Variants in HEMK2 observed in about 807,000 individuals in gnomAD.
The protein encoded by HEMK2 is methyltransferase HEMK2.
At chr21:28,852,858 A>G in the HEMK2 span, among the ~76,000 whole-genome samples, 3 of 152,216 alleles carry the variant, frequency 2.0e-5, no homozygotes, top group East Asian at 5.8e-4. Flanking sequence ...CCAATGTCAG[A>G]GCTCAACATA....
At chr21:28,759,238 A>T in the HEMK2 span, among the ~76,000 whole-genome samples, 10 of 152,196 alleles carry the variant, frequency 6.6e-5, no homozygotes, top group African/African-American at 2.4e-4. Context: ...CACCTCTTGC[A>T]TCAGTGTGAC....
At chr21:28,818,219 T>A in the HEMK2 span, among the ~76,000 whole-genome samples, 3 of 152,160 alleles carry the variant, frequency 2.0e-5, no homozygotes, top group Non-Finnish European at 4.4e-5. Context: ...CTGGTCTCCA[T>A]CTTTCTCCCG....
At chr21:28,790,131 A>C in the HEMK2 span, among the ~76,000 whole-genome samples, 2 of 152,342 alleles carry the variant, frequency 1.3e-5, no homozygotes, top group African/African-American at 4.8e-5. Context: ...ACAGAAATGA[A>C]ATGAATTTTG....
At chr21:28,705,185 A>T in the HEMK2 span, among the ~76,000 whole-genome samples, 2 of 152,160 alleles carry the variant, frequency 1.3e-5, no homozygotes, top group African/African-American at 2.4e-5. Context: ...TACTAGATCA[A>T]GGCTCAAAAT....
At chr21:28,598,761 T>A in the HEMK2 span, among the ~76,000 whole-genome samples, 1 of 151,994 alleles carries the variant, frequency 6.6e-6, no homozygotes, top group Admixed American at 6.6e-5. Flanking sequence ...TCAAAAACAG[T>A]GAGTAGAGGT....
chr21:28,582,020 A>G, the HEMK2 span, among the ~76,000 whole-genome samples: 1 of 152,208 alleles, frequency 6.6e-6, no homozygotes. Flanking sequence ...TCTAATTTTT[A>G]TGCTTTTTCT....
At chr21:28,820,796 T>TTCCA in the HEMK2 span, among the ~76,000 whole-genome samples, 66 of 152,346 alleles carry the variant, frequency 4.3e-4, no homozygotes, top group African/African-American at 1.6e-3. Context: ...TTTGAATGTC[T>TTCCA]TCCATAGGGG....
the HEMK2 span, among the ~76,000 whole-genome samples, chr21:28,636,548 A>C: frequency 6.6e-6 from 1 of 152,098 alleles, no homozygotes; most frequent in African/African-American, 2.4e-5. Context: ...TCTAATTGCA[A>C]ATTTCCATTC....
the HEMK2 span, among the ~76,000 whole-genome samples, chr21:28,686,764 C>T: frequency 1.3e-5 from 2 of 152,184 alleles, no homozygotes; most frequent in African/African-American, 4.8e-5. Context: ...GTCAGAAATT[C>T]TCCTAAGTCA....
the HEMK2 span, among the ~76,000 whole-genome samples, chr21:28,876,999 G>C: frequency 1.4e-5 from 1 of 69,876 alleles, no homozygotes; most frequent in Non-Finnish European, 2.6e-5. Flanking sequence ...GAGGGAGGGA[G>C]GGAGGGAGGA....
At chr21:28,692,997 G>A in the HEMK2 span, among the ~76,000 whole-genome samples, 1 of 152,086 alleles carries the variant, frequency 6.6e-6, no homozygotes, top group Non-Finnish European at 1.5e-5. Flanking sequence ...GCTGGAGGAG[G>A]GGGAGGAATG....
the HEMK2 span, among the ~76,000 whole-genome samples, chr21:28,785,724 C>T: frequency 6.6e-5 from 10 of 152,076 alleles, no homozygotes; most frequent in Non-Finnish European, 1.0e-4. Context: ...TAGCCCCAGC[C>T]GACACTCAGT....
At chr21:28,666,587 T>C in the HEMK2 span, among the ~76,000 whole-genome samples, 1 of 152,166 alleles carries the variant, frequency 6.6e-6, no homozygotes, top group Non-Finnish European at 1.5e-5. Flanking sequence ...GATCTACTAC[T>C]GGAAACAGTT....
At chr21:28,631,833 T>A in the HEMK2 span, among the ~76,000 whole-genome samples, 1 of 151,760 alleles carries the variant, frequency 6.6e-6, no homozygotes, top group African/African-American at 2.4e-5. Flanking sequence ...CTCTTAGATT[T>A]AAAAAAATTT....
At chr21:28,769,826 C>CTA in the HEMK2 span, among the ~76,000 whole-genome samples, 1 of 152,140 alleles carries the variant, frequency 6.6e-6, no homozygotes, top group Non-Finnish European at 1.5e-5. Context: ...CTTTCTAACT[C>CTA]TAAAGCTTTC....
At chr21:28,580,887 G>A in the HEMK2 span, among the ~76,000 whole-genome samples, 8 of 152,120 alleles carry the variant, frequency 5.3e-5, no homozygotes, top group Non-Finnish European at 1.2e-4. Context: ...GAAATCATGG[G>A]TTGTGCCTCT....
At chr21:28,680,470 G>A in the HEMK2 span, among the ~76,000 whole-genome samples, 1 of 152,118 alleles carries the variant, frequency 6.6e-6, no homozygotes, top group Admixed American at 6.5e-5. Flanking sequence ...TGTGTCAGAG[G>A]TACAAGGAGG....
At chr21:28,797,442 CAA>C in the HEMK2 span, among the ~76,000 whole-genome samples, 1 of 127,218 alleles carries the variant, frequency 7.9e-6, no homozygotes, top group Non-Finnish European at 1.7e-5. Flanking sequence ...CCAAAAAAAA[CAA>C]AAAAAAAAAA....
the HEMK2 span, among the ~76,000 whole-genome samples, chr21:28,732,391 C>A: frequency 3.3e-5 from 5 of 152,218 alleles, no homozygotes; most frequent in Non-Finnish European, 7.3e-5. Flanking sequence ...CAGAAGCACA[C>A]ATGGTCTAGT....
Sources: allele counts gnomAD v4.1 joint callset (sites outside exome capture counted in the v4.1 genomes callset), GRCh38; gene constraint gnomAD v4.1.1; transcripts MANE v1.5; gene names NCBI Gene and HGNC (gene_info 2026-07-23, HGNC 2026-07-21).